Variants in MAGI2 observed in about 807,000 individuals in gnomAD.
MAGI2 encodes the protein membrane-associated guanylate kinase, WW and PDZ domain-containing protein 2.
A neutral mutation model predicts 133.3 loss-of-function variants in MAGI2; 35 were observed. The ratio of observed to expected loss-of-function variants is 0.26; its 90% CI spans 0.20 to 0.35. The LOEUF (loss-of-function observed/expected upper bound fraction) is 0.35, where lower values mean the gene tolerates loss of function less well. Among genes scored for constraint, MAGI2 ranks in the 10% least tolerant of loss-of-function variants. The pLI is 1.00. For synonymous variants in MAGI2, 729 were observed against 710.6 expected, an observed-to-expected ratio of 1.03 and a Z score of -0.41; for missense variants, 1,636 against 1,863.4, an observed-to-expected ratio of 0.88 and a Z score of 2.25.
chr7:78,494,506 G>A (rs1367843778), intron 5 of MAGI2, among the ~76,000 whole-genome samples: 1 of 152,152 alleles, frequency 6.6e-6, no homozygotes, highest in Admixed American at 6.5e-5. Context: ...TCTAGTGTTT[G>A]CCCAGTCAGG....
rs1302206972 is a variant in MAGI2, at chr7:78,555,173, TG to T, written c.539-33529del. ...ATAAATAAATAAATAAATAAATAAATGAATGATAGAGGACGGTTGGATGGAT... is the reference window on the plus strand; with the variant it reads ...ATAAATAAATAAATAAATAAATAAATAATGATAGAGGACGGTTGGATGGAT... On this transcript the variant is annotated intron_variant, in intron 3 of 21. Coordinates refer to ENST00000354212, the MANE Select transcript of MAGI2 (RefSeq NM_012301.4). 1.9e-3 allele frequency among the ~76,000 whole-genome samples: 101 copies of T among 54,348 alleles called. 1 individual carries two copies. Among genetic ancestry groups the T allele is most frequent in the Non-Finnish European group, 5.1e-3 (64 of 12,500 alleles). 35.7% of individuals were successfully genotyped at this position (54,348 alleles called of 152,430 possible).
chr7:78,107,401 G>C (rs778361705), intron 20 of MAGI2, among the ~76,000 whole-genome samples: 22 of 152,216 alleles, frequency 1.4e-4, no homozygotes, highest in Middle Eastern at 3.4e-3. Context: ...TTGGTATTTT[G>C]ATAGGGATTG....
intron 1 of MAGI2, among the ~76,000 whole-genome samples, chr7:79,324,581 C>T (rs1202157271): frequency 2.4e-5 from 1 of 41,454 alleles, no homozygotes; most frequent in African/African-American, 8.7e-5. Context: ...ATATATACAC[C>T]ATATATATAT....
intron 1 of MAGI2, among the ~76,000 whole-genome samples, chr7:79,086,432 A>G (rs1816497478): frequency 6.6e-6 from 1 of 151,928 alleles, no homozygotes; most frequent in African/African-American, 2.4e-5. Flanking sequence ...GAAAACAGAT[A>G]TAGGAAGAAT....
intron 20 of MAGI2, among the ~76,000 whole-genome samples, chr7:78,082,206 T>G (rs1816051444): frequency 6.6e-6 from 1 of 152,238 alleles, no homozygotes; most frequent in Non-Finnish European, 1.5e-5. Context: ...TAGCAAGACT[T>G]AGAAAATTTG....
intron 1 of MAGI2, chr7:79,410,268 A>G (rs960929812): frequency 1.3e-5 from 2 of 152,154 alleles, no homozygotes; most frequent in Non-Finnish European, 2.9e-5. Flanking sequence ...AAATTATAGA[A>G]GCTATGATTT....
chr7:78,621,637 C>A (rs898554043), intron 3 of MAGI2, among the ~76,000 whole-genome samples: 159 of 151,958 alleles, frequency 1.0e-3, no homozygotes, highest in Non-Finnish European at 4.1e-4. Flanking sequence ...TCAACTAAAA[C>A]CCTACCTACA....
chr7:78,884,969 C>A (rs983765277), intron 2 of MAGI2, among the ~76,000 whole-genome samples: 1 of 152,158 alleles, frequency 6.6e-6, no homozygotes, highest in Non-Finnish European at 1.5e-5. Context: ...CAACAATATG[C>A]AGCCAAAACA....
At chr7:79,300,085 T>C (rs1609273) in intron 1 of MAGI2, among the ~76,000 whole-genome samples, 141,743 of 152,194 alleles carry the variant, frequency 0.93, 66,367 homozygotes, top group Non-Finnish European at 0.98. Flanking sequence ...TTTAGAGCAG[T>C]GTAAGAACAA....
intron 2 of MAGI2, among the ~76,000 whole-genome samples, chr7:78,787,646 G>T (rs1826948468): frequency 6.6e-6 from 1 of 152,196 alleles, no homozygotes; most frequent in African/African-American, 2.4e-5. Flanking sequence ...CCAGCAAAAA[G>T]CTAATGCTGA....
intron 1 of MAGI2, among the ~76,000 whole-genome samples, chr7:79,362,818 A>G (rs1360111675): frequency 2.6e-5 from 4 of 152,028 alleles, no homozygotes; most frequent in Non-Finnish European, 4.4e-5. Flanking sequence ...TTAAACACAG[A>G]TATGTAAACC....
intron 2 of MAGI2, among the ~76,000 whole-genome samples, chr7:78,633,870 C>T (rs1372254471): frequency 6.6e-6 from 1 of 152,070 alleles, no homozygotes; most frequent in Non-Finnish European, 1.5e-5. Flanking sequence ...TTTTCTTATG[C>T]ACTGAGGTAA....
chr7:78,529,732 G>C (rs1345924381), intron 3 of MAGI2, among the ~76,000 whole-genome samples: 3 of 118,260 alleles, frequency 2.5e-5, no homozygotes, highest in Non-Finnish European at 4.9e-5. Context: ...GGCCAGGCTG[G>C]TCTCGAACTC....
At chr7:78,437,167 G>A (rs6466220) in intron 6 of MAGI2, among the ~76,000 whole-genome samples, 116,873 of 152,002 alleles carry the variant, frequency 0.77, 45,360 homozygotes, top group South Asian at 0.87. Context: ...GAACATTCTC[G>A]TGGTGCTCAT....
chr7:78,826,420 C>T (rs1450294313), intron 2 of MAGI2, among the ~76,000 whole-genome samples: 2 of 149,928 alleles, frequency 1.3e-5, no homozygotes, highest in African/African-American at 4.9e-5. Context: ...AAGCTACATA[C>T]TGTAGGATCC....
intron 3 of MAGI2, among the ~76,000 whole-genome samples, chr7:78,619,303 C>A (rs1008931869): frequency 6.6e-6 from 1 of 151,672 alleles, no homozygotes; most frequent in Non-Finnish European, 1.5e-5. Context: ...AGTTTCAGAA[C>A]CCTAGGTTTT....
In MAGI2 at chr7:78,109,259, G is replaced by C. The variant is rs560183919; in HGVS notation, c.3567+16435C>G. ...GCGGAGCTTGCAGTGAGCCGACATC[G>C]AGCCACTGCAGTCCAGCCTGGGCGA... On this transcript the variant is annotated intron_variant, in intron 20 of 21. Coordinates refer to ENST00000354212, the MANE Select transcript of MAGI2 (RefSeq NM_012301.4). Among the ~76,000 whole-genome samples the C allele has an allele frequency of 3.3e-3, 379 of 116,536 alleles. 1 individual carries two copies. Among genetic ancestry groups the C allele is most frequent in the African/African-American group, 0.012 (354 of 30,450 alleles). 76.5% of individuals were successfully genotyped at this position (116,536 alleles called of 152,430 possible). A position where few individuals can be genotyped will look rare whatever the true frequency, so the allele number is the denominator to read the frequency against.
At chr7:78,134,844 GATTGC>G in intron 17 of MAGI2, 172 bp downstream of exon 17, 1 of 586,166 alleles carries the variant, frequency 1.7e-6, no homozygotes, top group South Asian at 2.1e-5. Flanking sequence ...ACAAGATATG[GATTGC>G]AACTGAGTGT....
At chr7:78,401,605 T>G (rs1424312978) in intron 6 of MAGI2, among the ~76,000 whole-genome samples, 1 of 152,144 alleles carries the variant, frequency 6.6e-6, no homozygotes. Context: ...GTCTCTTATT[T>G]TTATCTTTTT....
Sources: gnomAD v4.1 joint callset for allele counts (sites outside exome capture counted in the v4.1 genomes callset) on GRCh38, gnomAD v4.1.1 for gene constraint, MANE v1.5 for transcripts, NCBI Gene and HGNC (gene_info 2026-07-23, HGNC 2026-07-21) for gene names.